Variants in FRYL observed in about 807,000 individuals in gnomAD.
FRYL encodes the protein FRY like transcription coactivator.
In FRYL, 150 loss-of-function variants were observed where a neutral mutation model predicts 351.2. The ratio of observed to expected loss-of-function variants is 0.43; its 90% CI spans 0.37 to 0.49. FRYL has a LOEUF of 0.49. Among genes scored for constraint, FRYL ranks in the 20% least tolerant of loss-of-function variants. The pLI is 0.00. For missense variants in FRYL, 3,036 were observed against 3,619.3 expected, an observed-to-expected ratio of 0.84 and a Z score of 4.13; for synonymous variants, 1,153 against 1,257.1, an observed-to-expected ratio of 0.92 and a Z score of 1.75.
chr4:48,508,801 G>A (rs1240993272), intron 59 of FRYL, among the ~76,000 whole-genome samples: 1 of 152,160 alleles, frequency 6.6e-6, no homozygotes, highest in Non-Finnish European at 1.5e-5. Flanking sequence ...ACCCCAGTTT[G>A]CACTCCGACC....
chr4:48,601,472 G>A (rs1256807571), intron 13 of FRYL, among the ~76,000 whole-genome samples: 1 of 152,194 alleles, frequency 6.6e-6, no homozygotes, highest in Non-Finnish European at 1.5e-5. Context: ...AGGACTAAGA[G>A]AGGCTGAATA....
chr4:48,682,572 A>G (rs1764737495), intron 3 of FRYL, among the ~76,000 whole-genome samples: 1 of 152,204 alleles, frequency 6.6e-6, no homozygotes, highest in Admixed American at 6.5e-5. Context: ...AATGTACAAG[A>G]AAAAAACAAA....
At chr4:48,521,283 C>T (rs1328300287) in intron 54 of FRYL, 68 bp from the exon 55 acceptor site, 2 of 1,193,396 alleles carry the variant, frequency 1.7e-6, no homozygotes, top group Non-Finnish European at 2.4e-6. Flanking sequence ...CATTCTCTAT[C>T]ATAAAATATT....
At chr4:48,745,985 T>G (rs1252799583) in intron 1 of FRYL, among the ~76,000 whole-genome samples, 1 of 152,172 alleles carries the variant, frequency 6.6e-6, no homozygotes, top group Non-Finnish European at 1.5e-5. Context: ...ATATGGTGGT[T>G]AACTGATTTC....
In FRYL at chr4:48,582,491, T is replaced by C. The variant is rs895541299; in HGVS notation, c.1986+6A>G. On this transcript the variant is annotated splice_donor_region_variant and intron_variant, in intron 20 of 63. Transcript: ENST00000358350. Reference sequence around the variant, plus strand: ...TACAAAAGGACAATAGAAAAGAATCTGGTACCTGAGTGTCCTGGTTTTTAT... The same window carrying C: ...TACAAAAGGACAATAGAAAAGAATCCGGTACCTGAGTGTCCTGGTTTTTAT... 14 of 1,572,698 alleles carry C rather than the reference T, an allele frequency of 8.9e-6. 1 individual carries two copies. The highest frequency in any genetic ancestry group is 3.3e-5 in the Admixed American group (2 of 59,808).
intron 1 of FRYL, among the ~76,000 whole-genome samples, chr4:48,722,368 T>C (rs577761960): frequency 4.4e-4 from 67 of 152,360 alleles, no homozygotes; most frequent in African/African-American, 1.5e-3. Context: ...TGCTACATTT[T>C]CTGTTAACAT....
At chr4:48,564,136 A>G in intron 30 of FRYL, 34 bp from the exon 31 acceptor site, 1 of 1,609,762 alleles carries the variant, frequency 6.2e-7, no homozygotes, top group Non-Finnish European at 8.5e-7. Context: ...CCGAGAGAGA[A>G]CGTTATATAT....
At chr4:48,738,312 T>A (rs764998275) in intron 1 of FRYL, among the ~76,000 whole-genome samples, 7 of 152,082 alleles carry the variant, frequency 4.6e-5, no homozygotes, top group Non-Finnish European at 8.8e-5. Flanking sequence ...AAACCAACAA[T>A]GAACACACAG....
At chr4:48,657,840 TACTATATACTAAAGATTTG>T (rs1759564982) in intron 3 of FRYL, among the ~76,000 whole-genome samples, 1 of 152,216 alleles carries the variant, frequency 6.6e-6, no homozygotes, top group African/African-American at 2.4e-5. Context: ...ATGAGCCAAA[TACTATATACTAAAGATTTG>T]ACACAAAAGA....
rs781304151 is a variant in FRYL at position 48,528,217 on chromosome 4, A to G, written c.7023T>C (p.Asn2341=). Residue 2341 remains asparagine (N), a synonymous_variant, in exon 51 of 64, where the codon AAT becomes AAC. Transcript: ENST00000358350. The part of the protein sequence containing the change: ...TSSTSSGSNS[N]ALVPVSWKRP... Reference sequence around the variant, plus strand: ...TTTTCCAACTAACAGGAACCAAGGCATTAGAATTAGAACCAGAAGAAGTTG... The same window carrying G: ...TTTTCCAACTAACAGGAACCAAGGCGTTAGAATTAGAACCAGAAGAAGTTG... The G allele has an allele frequency of 2.5e-6, 4 of 1,613,390 alleles. No individual in the cohort carries two copies. Among genetic ancestry groups the G allele is most frequent in the Non-Finnish European group, 3.4e-6 (4 of 1,179,504 alleles).
chr4:48,691,076 T>G (rs1306203499), intron 2 of FRYL, among the ~76,000 whole-genome samples: 7 of 152,316 alleles, frequency 4.6e-5, no homozygotes, highest in African/African-American at 1.7e-4. Context: ...ACAGATGATT[T>G]AGATGACCCA....
intron 3 of FRYL, among the ~76,000 whole-genome samples, chr4:48,671,476 T>C (rs1157023629): frequency 1.3e-5 from 2 of 152,020 alleles, no homozygotes; most frequent in African/African-American, 4.8e-5. Context: ...AAAACCAACC[T>C]GGCCAACACG....
intron 27 of FRYL, among the ~76,000 whole-genome samples, chr4:48,569,358 G>A (rs1737718829): frequency 6.6e-6 from 1 of 152,122 alleles, no homozygotes; most frequent in African/African-American, 2.4e-5. Context: ...CCAGGCTGAA[G>A]TGCAATGGCA....
rs1163763298 is a variant in FRYL at position 48,497,761 on chromosome 4, T to TATC, written c.*1658_*1660dup. The TATC allele has an allele frequency of 6.6e-6, 1 of 152,592 alleles. No homozygotes were observed. The allele number at this position is 152,592 out of a possible 1,614,324, so 9.5% of individuals were successfully genotyped here. A position where few individuals can be genotyped will look rare whatever the true frequency, so the allele number is the denominator to read the frequency against. The stretch of plus-strand genomic sequence containing the variant: ...AGAACACCATCAAAATAATTGTCTT[T>TATC]ATCAGGGTCAAAAAATACAGTGATT... On this transcript the variant is annotated 3_prime_UTR_variant, in exon 64 of 64. Coordinates refer to ENST00000358350, the MANE Select transcript of FRYL (RefSeq NM_015030.2).
chr4:48,534,436 T>C (rs779046431), intron 49 of FRYL, 109 bp downstream of exon 49: 309 of 838,622 alleles, frequency 3.7e-4, no homozygotes, highest in Non-Finnish European at 5.3e-4. Context: ...ACACGATTTA[T>C]GGTTGAACCA....
chr4:48,771,279 C>T (rs1385135284), intron 1 of FRYL, among the ~76,000 whole-genome samples: 1 of 152,132 alleles, frequency 6.6e-6, no homozygotes, highest in Non-Finnish European at 1.5e-5. Context: ...AAAAATGCAT[C>T]TATAAAGATA....
chr4:48,520,487 A>G (rs1724666700), intron 55 of FRYL: 1 of 152,242 alleles, frequency 6.6e-6, no homozygotes, highest in African/African-American at 2.4e-5. Flanking sequence ...CATTTTTAAA[A>G]AGTATAATAA....
At chr4:48,728,746 G>T (rs1213338126) in intron 1 of FRYL, among the ~76,000 whole-genome samples, 1 of 152,206 alleles carries the variant, frequency 6.6e-6, no homozygotes, top group East Asian at 1.9e-4. Context: ...TAAGAAGAGA[G>T]GGTTGCTTCC....
At position 48,590,743 on chromosome 4, in the gene FRYL, C is replaced by T; in HGVS notation, c.1423G>A (p.Val475Ile). The T allele has an allele frequency of 1.2e-6, 2 of 1,613,300 alleles. No homozygotes were observed. The highest frequency in any genetic ancestry group is 8.5e-7 in the Non-Finnish European group (1 of 1,179,378). The change falls in exon 17 of 64, where the codon GTT becomes ATT. Residue 475 changes from valine to isoleucine, a missense_variant. Val to Ile is a conservative substitution (Grantham distance 29, BLOSUM62 3). This residue lies in a region of FRYL where 457 missense variants were observed against 566.6 expected (regional missense o/e 0.81). Transcript: ENST00000358350. Reference protein sequence around the residue: ...DGEPPMPTTGVILPSGNTLRV... With the variant: ...DGEPPMPTTGIILPSGNTLRV... Reference sequence around the variant, plus strand: ...AGAGTATTTCCTGAGGGAAGAATAACTCCTGTTGTTGGCATGGGTGGTTCA... The same window carrying T: ...AGAGTATTTCCTGAGGGAAGAATAATTCCTGTTGTTGGCATGGGTGGTTCA...
Sources: gnomAD v4.1 joint callset for allele counts (sites outside exome capture counted in the v4.1 genomes callset) on GRCh38, gnomAD v4.1.1 for gene constraint, gnomAD v4.1.1 regional missense constraint, MANE v1.5 for transcripts, NCBI Gene and HGNC (gene_info 2026-07-23, HGNC 2026-07-21) for gene names.